Variants in PHLPP1 observed in about 807,000 individuals in gnomAD.
PHLPP1 encodes PH domain and leucine rich repeat protein phosphatase 1, also known as PH domain leucine-rich repeat-containing protein phosphatase 1.
Under a neutral mutation model 117.2 loss-of-function variants are expected in PHLPP1, and 42 were observed. That is an observed-to-expected ratio of 0.36 (90% CI 0.28 to 0.46). The LOEUF is 0.46. Among genes scored for constraint, PHLPP1 ranks in the 20% least tolerant of loss-of-function variants. The pLI, the probability that PHLPP1 is intolerant of heterozygous loss-of-function variation, is 1.00. For missense variants in PHLPP1, 2,084 were observed against 2,241.9 expected, an observed-to-expected ratio of 0.93 and a Z score of 1.42; for synonymous variants, 1,042 against 970.7, an observed-to-expected ratio of 1.07 and a Z score of -1.37.
intron 10 of PHLPP1, among the ~76,000 whole-genome samples, chr18:62,931,438 A>G (rs577176242): frequency 5.8e-4 from 89 of 152,222 alleles, no homozygotes; most frequent in African/African-American, 2.0e-3. Context: ...GAACTAGAAA[A>G]AACAGAACAC....
intron 1 of PHLPP1, among the ~76,000 whole-genome samples, chr18:62,719,016 T>C (rs544810215): frequency 1.8e-3 from 276 of 152,326 alleles, no homozygotes; most frequent in African/African-American, 6.5e-3. Context: ...AAAAAGTCTT[T>C]CCTGGTTAAA....
chr18:62,913,738 T>C (rs1052635585), intron 8 of PHLPP1, among the ~76,000 whole-genome samples: 2 of 88,930 alleles, frequency 2.2e-5, no homozygotes, highest in Non-Finnish European at 4.9e-5. Context: ...TCTCTCTCTC[T>C]CTTTTTTTTT....
chr18:62,796,632 G>A (rs1295652581), intron 1 of PHLPP1, among the ~76,000 whole-genome samples: 1 of 152,188 alleles, frequency 6.6e-6, no homozygotes, highest in Non-Finnish European at 1.5e-5. Context: ...AAGAGTTGAA[G>A]GTTATTAGAA....
At chr18:62,969,066 G>GTTTGT (rs1400041705) in intron 14 of PHLPP1, among the ~76,000 whole-genome samples, 9 of 150,856 alleles carry the variant, frequency 6.0e-5, no homozygotes, top group Non-Finnish European at 1.3e-4. Context: ...GGGTTTTTTT[G>GTTTGT]TTTGTTTTGT....
chr18:62,851,539 C>T (rs775401463), intron 3 of PHLPP1, among the ~76,000 whole-genome samples: 7 of 152,144 alleles, frequency 4.6e-5, no homozygotes, highest in Non-Finnish European at 5.9e-5. Flanking sequence ...TGGCTCACTG[C>T]AACCTCCGCC....
chr18:62,886,880 C>T (rs1793665438), intron 4 of PHLPP1, among the ~76,000 whole-genome samples: 1 of 152,216 alleles, frequency 6.6e-6, no homozygotes, highest in Non-Finnish European at 1.5e-5. Flanking sequence ...AGTGTGAACT[C>T]TGTATTGTAG....
chr18:62,716,189 C>G lies in PHLPP1; in HGVS notation c.506C>G (p.Thr169Ser), dbSNP rs759625985. ...ASCSASASLC[T>S]RSLDRKTLLL... ...TGCTCGGCCTCGGCGTCGCTGTGCA[C>G]CCGGAGCCTGGACAGGAAGACGCTG... The change falls in exon 1 of 17, where the codon ACC becomes AGC. Residue 169 changes from threonine (T) to serine (S), a missense_variant. Coordinates refer to ENST00000262719, the MANE Select transcript of PHLPP1 (RefSeq NM_194449.4). The surrounding 1 kb of genome is among the most constrained non-coding windows in gnomAD (Gnocchi z 5.7). 18 of 1,520,564 alleles carry G rather than the reference C, an allele frequency of 1.2e-5. No homozygotes were observed. Among genetic ancestry groups the G allele is most frequent in the Non-Finnish European group, 1.5e-5 (17 of 1,140,132 alleles). 94.2% of individuals were successfully genotyped at this position (1,520,564 alleles called of 1,614,324 possible).
chr18:62,924,326 T>C (rs1909561664), intron 10 of PHLPP1, among the ~76,000 whole-genome samples: 1 of 152,190 alleles, frequency 6.6e-6, no homozygotes, highest in Non-Finnish European at 1.5e-5. Context: ...GTTCTGTGTT[T>C]CGTTATATAA....
At chr18:62,954,036 A>C (rs2144469975) in intron 12 of PHLPP1, among the ~76,000 whole-genome samples, 1 of 152,348 alleles carries the variant, frequency 6.6e-6, no homozygotes, top group East Asian at 1.9e-4. Flanking sequence ...GGCTCCATGC[A>C]GCTTTTGTGA....
chr18:62,888,184 A>G (rs533181255), intron 4 of PHLPP1, among the ~76,000 whole-genome samples: 1 of 152,246 alleles, frequency 6.6e-6, no homozygotes, highest in East Asian at 1.9e-4. Flanking sequence ...TCTTCCACTT[A>G]TCTATGTTGA....
At chr18:62,748,374 A>G in intron 1 of PHLPP1, among the ~76,000 whole-genome samples, 1 of 151,674 alleles carries the variant, frequency 6.6e-6, no homozygotes. Context: ...CCTCCTGAGT[A>G]GCTGGGACTA....
At chr18:62,734,809 C>T (rs1330885450) in intron 1 of PHLPP1, among the ~76,000 whole-genome samples, 1 of 152,148 alleles carries the variant, frequency 6.6e-6, no homozygotes, top group Non-Finnish European at 1.5e-5. Context: ...CTCATTAGAG[C>T]AATATCAACA....
chr18:62,966,555 C>A (rs531832680), intron 14 of PHLPP1, among the ~76,000 whole-genome samples: 69 of 149,686 alleles, frequency 4.6e-4, no homozygotes, highest in African/African-American at 1.7e-3. Flanking sequence ...GCTGCAAGCT[C>A]CACCTCCCGG....
chr18:62,771,762 A>G (rs1828195671), intron 1 of PHLPP1, among the ~76,000 whole-genome samples: 1 of 152,152 alleles, frequency 6.6e-6, no homozygotes, highest in Non-Finnish European at 1.5e-5. Flanking sequence ...TCTCTCTTTG[A>G]TTTTAAAAAT....
At chr18:62,806,834 T>C (rs1913965753) in intron 1 of PHLPP1, among the ~76,000 whole-genome samples, 3 of 152,168 alleles carry the variant, frequency 2.0e-5, no homozygotes, top group Non-Finnish European at 2.9e-5. Context: ...TTGTTTTCCT[T>C]TTAAATTTGT....
At chr18:62,944,857 T>C (rs917773560) in intron 11 of PHLPP1, among the ~76,000 whole-genome samples, 16 of 152,188 alleles carry the variant, frequency 1.1e-4, no homozygotes, top group Admixed American at 9.8e-4. Context: ...AATTTCCACA[T>C]AGACTTTTAG....
chr18:62,972,306 T>C (rs1029856340), intron 14 of PHLPP1, among the ~76,000 whole-genome samples: 1 of 152,236 alleles, frequency 6.6e-6, no homozygotes, highest in Non-Finnish European at 1.5e-5. Context: ...TAGGAAGGCA[T>C]GTGTGAAGCA....
intron 1 of PHLPP1, among the ~76,000 whole-genome samples, chr18:62,766,357 CTCTAG>C (rs2144258809): frequency 6.6e-6 from 1 of 151,724 alleles, no homozygotes; most frequent in African/African-American, 2.4e-5. Flanking sequence ...CTCCTGGCCT[CTCTAG>C]TAACTCCCTC....
chr18:62,863,827 A>G (rs1032719971), intron 4 of PHLPP1, among the ~76,000 whole-genome samples: 2 of 152,034 alleles, frequency 1.3e-5, no homozygotes, highest in Non-Finnish European at 2.9e-5. Flanking sequence ...TGTGACCTGT[A>G]TCTTGTGCTG....
Sources: gnomAD v4.1 joint callset for allele counts (sites outside exome capture counted in the v4.1 genomes callset) on GRCh38, gnomAD v4.1.1 for gene constraint, Gnocchi (gnomAD v3.1) non-coding constraint, MANE v1.5 for transcripts, NCBI Gene and HGNC (gene_info 2026-07-23, HGNC 2026-07-21) for gene names.